ZCCHC7: variants seen among roughly 807,000 people sequenced by gnomAD.
ZCCHC7 encodes the protein zinc finger CCHC-type containing 7, also known as zinc finger CCHC domain-containing protein 7.
Under a neutral mutation model 52.0 loss-of-function variants are expected in ZCCHC7, and 35 were observed. The observed-to-expected ratio is 0.67, with a 90% CI of 0.51 to 0.89. The LOEUF is 0.89. Ranked by LOEUF, ZCCHC7 falls within the 40% of genes least tolerant of loss-of-function variation. The pLI is 0.00. For missense variants in ZCCHC7, 574 were observed against 649.1 expected (o/e 0.88, Z 1.26); for synonymous variants, 217 against 221.5 (o/e 0.98, Z 0.18).
At chr9:37,203,111 T>C (rs1278408668) in intron 2 of ZCCHC7, among the ~76,000 whole-genome samples, 3 of 152,204 alleles carry the variant, frequency 2.0e-5, no homozygotes, top group African/African-American at 7.2e-5. Context: ...TCTGAGTCGA[T>C]GGACCCAAAT....
chr9:37,229,193 T>G (rs1246076986), intron 2 of ZCCHC7, among the ~76,000 whole-genome samples: 16 of 152,186 alleles, frequency 1.1e-4, no homozygotes, highest in Non-Finnish European at 1.9e-4. Flanking sequence ...GCTCACAGCT[T>G]CTTTGTATAA....
At chr9:37,216,395 C>T (rs1824505825) in intron 2 of ZCCHC7, among the ~76,000 whole-genome samples, 1 of 152,116 alleles carries the variant, frequency 6.6e-6, no homozygotes, top group Admixed American at 6.6e-5. Context: ...TTTATCTTGG[C>T]CATACGCGGT....
At chr9:37,306,688 CTCCTGACCTCATGA>C (rs1829330610) in intron 5 of ZCCHC7, among the ~76,000 whole-genome samples, 1 of 143,574 alleles carries the variant, frequency 7.0e-6, no homozygotes, top group South Asian at 2.2e-4. Context: ...TGGTCTCGAT[CTCCTGACCTCATGA>C]TCCGCCCGCC....
chr9:37,257,080 A>G (rs939021264), intron 2 of ZCCHC7, among the ~76,000 whole-genome samples: 2 of 152,232 alleles, frequency 1.3e-5, no homozygotes, highest in South Asian at 2.1e-4. Flanking sequence ...AGCATTTTCA[A>G]CAAAGAACAG....
intron 6 of ZCCHC7, among the ~76,000 whole-genome samples, chr9:37,344,312 T>C (rs928736068): frequency 2.0e-5 from 3 of 152,224 alleles, no homozygotes; most frequent in Admixed American, 6.5e-5. Flanking sequence ...AACTAGTTAT[T>C]GATCACCTAC....
intron 6 of ZCCHC7, among the ~76,000 whole-genome samples, chr9:37,329,614 A>T (rs180751957): frequency 6.6e-6 from 1 of 152,000 alleles, no homozygotes; most frequent in East Asian, 1.9e-4. Flanking sequence ...GAACTTGTGC[A>T]TATATCAGTG....
chr9:37,203,233 G>T (rs750531341), intron 2 of ZCCHC7, among the ~76,000 whole-genome samples: 7 of 152,218 alleles, frequency 4.6e-5, no homozygotes, highest in Middle Eastern at 3.4e-3. Context: ...TTTCTCAAAG[G>T]CATTTTGGTT....
chr9:37,133,088 C>T (rs1356199963), intron 2 of ZCCHC7, among the ~76,000 whole-genome samples: 1 of 152,006 alleles, frequency 6.6e-6, no homozygotes, highest in East Asian at 1.9e-4. Context: ...GAGCCGAGAT[C>T]GTGCCACTGC....
chr9:37,281,956 T>G (rs1173569449), intron 2 of ZCCHC7, among the ~76,000 whole-genome samples: 1 of 152,204 alleles, frequency 6.6e-6, no homozygotes, highest in Non-Finnish European at 1.5e-5. Flanking sequence ...ATGCACTTTA[T>G]TCCTGCTCCC....
At chr9:37,230,239 G>A (rs1825332396) in intron 2 of ZCCHC7, among the ~76,000 whole-genome samples, 1 of 152,168 alleles carries the variant, frequency 6.6e-6, no homozygotes, top group Admixed American at 6.5e-5. Context: ...TTATTATCAA[G>A]TATTATGTAC....
intron 2 of ZCCHC7, among the ~76,000 whole-genome samples, chr9:37,287,670 T>G (rs1349431778): frequency 6.6e-6 from 1 of 152,196 alleles, no homozygotes; most frequent in African/African-American, 2.4e-5. Context: ...TATACATATT[T>G]ATGTGTTTTT....
intron 6 of ZCCHC7, among the ~76,000 whole-genome samples, chr9:37,345,239 C>T (rs1224022997): frequency 6.6e-6 from 1 of 152,206 alleles, no homozygotes; most frequent in Admixed American, 6.5e-5. Flanking sequence ...TCTATGACAT[C>T]ATCTCTTTTG....
intron 2 of ZCCHC7, among the ~76,000 whole-genome samples, chr9:37,205,783 T>C (rs906242187): frequency 7.2e-5 from 11 of 152,254 alleles, no homozygotes; most frequent in African/African-American, 2.7e-4. Context: ...CCCAAAGTGC[T>C]GGGATTACAG....
At chr9:37,275,133 A>G (rs921379419) in intron 2 of ZCCHC7, among the ~76,000 whole-genome samples, 14 of 152,212 alleles carry the variant, frequency 9.2e-5, no homozygotes, top group African/African-American at 1.9e-4. Flanking sequence ...TAATCATCAC[A>G]TACTCAAAAT....
intron 2 of ZCCHC7, among the ~76,000 whole-genome samples, chr9:37,145,756 G>T (rs1050805501): frequency 1.3e-5 from 2 of 151,880 alleles, no homozygotes; most frequent in African/African-American, 4.8e-5. Context: ...TAAAATCAGT[G>T]TTCAATTGAG....
Position 37,357,027 on chromosome 9 carries a change from A to G in ZCCHC7, c.1391A>G (p.Asp464Gly). The G allele has an allele frequency of 6.2e-7, 1 of 1,613,906 alleles. No individual in the cohort carries two copies. The highest frequency in any genetic ancestry group is 8.5e-7 in the Non-Finnish European group (1 of 1,179,960). ...NRNWEKHRKA[D>G]RHREVDEDFP... Reference sequence around the variant, plus strand: ...AACTGGGAGAAGCACAGGAAGGCTGACAGACATCGTGAAGTGGATGAGGAT... The same window carrying G: ...AACTGGGAGAAGCACAGGAAGGCTGGCAGACATCGTGAAGTGGATGAGGAT... The change falls in exon 9 of 9, where the codon GAC (aspartate) becomes GGC (glycine). Residue 464 changes from aspartate to glycine, a missense_variant. Physicochemically the swap from Asp to Gly is moderately conservative, Grantham distance 94. Around this residue, in one of 3 missense-constraint regions of ZCCHC7, gnomAD observed 168 missense variants for 171.6 expected, o/e 0.98. Transcript: ENST00000336755.
chr9:37,353,962 G>A (rs1588714370), intron 7 of ZCCHC7, among the ~76,000 whole-genome samples: 1 of 152,188 alleles, frequency 6.6e-6, no homozygotes, highest in East Asian at 1.9e-4. Context: ...ACAAAAGCCT[G>A]CTATGTGGTG....
rs765701876 is a variant in ZCCHC7, at chr9:37,305,526, G to GT, written c.781-11dup. ...CCTTTTGAGACTGAAGAGATTTTAT[G>GT]TTTTTTTCGCCACATAGAAAGTTCG... On this transcript the variant is annotated splice_polypyrimidine_tract_variant and intron_variant, in intron 4 of 8. Transcript: ENST00000336755. The GT allele has an allele frequency of 1.5e-5, 24 of 1,611,798 alleles. No homozygotes were observed. The highest frequency in any genetic ancestry group is 2.0e-5 in the Non-Finnish European group (24 of 1,179,192).
At chr9:37,246,449 A>G (rs1396570841) in intron 2 of ZCCHC7, among the ~76,000 whole-genome samples, 1 of 152,160 alleles carries the variant, frequency 6.6e-6, no homozygotes, top group African/African-American at 2.4e-5. Flanking sequence ...TACCTAATTC[A>G]TTATGTTTCA....
Sources: gnomAD v4.1 joint callset for allele counts (sites outside exome capture counted in the v4.1 genomes callset) on GRCh38, gnomAD v4.1.1 for gene constraint, gnomAD v4.1.1 regional missense constraint, MANE v1.5 for transcripts, NCBI Gene and HGNC (gene_info 2026-07-23, HGNC 2026-07-21) for gene names.